Variants in DMD observed in about 807,000 individuals in gnomAD.
DMD encodes dystrophin.
A neutral mutation model predicts 330.1 loss-of-function variants in DMD; 63 were observed. That is an observed-to-expected ratio of 0.19 (90% CI 0.16 to 0.24). DMD has a LOEUF of 0.24. DMD is among the 10% of genes least tolerant of loss of function. The pLI, the probability that DMD is intolerant of heterozygous loss-of-function variation, is 1.00. For synonymous variants in DMD, 1,223 were observed against 959.8 expected, an observed-to-expected ratio of 1.27 and a Z score of -5.07; for missense variants, 3,344 against 2,684.1, an observed-to-expected ratio of 1.25 and a Z score of -5.43.
At chrX:32,789,306 A>AG (rs746474496) in intron 7 of DMD, among the ~76,000 whole-genome samples, 1 of 112,506 alleles carries the variant, frequency 8.9e-6, no homozygotes, top group East Asian at 2.8e-4. Context: ...TGTGAACAGC[A>AG]GGCTTAGTCA....
chrX:32,225,021 A>C (rs1453150312), intron 43 of DMD, among the ~76,000 whole-genome samples: 4 of 112,059 alleles, frequency 3.6e-5, no homozygotes, highest in Non-Finnish European at 5.6e-5. Context: ...GGACTCTTCT[A>C]CTGTGCTTAA....
At chrX:31,358,106 C>G (rs1039498522) in intron 60 of DMD, among the ~76,000 whole-genome samples, 1 of 109,307 alleles carries the variant, frequency 9.1e-6, no homozygotes, top group Non-Finnish European at 1.9e-5. Flanking sequence ...TTCTCTCCCC[C>G]TGCCTCCCTC....
At chrX:31,725,395 TG>T (rs1400378454) in intron 52 of DMD, among the ~76,000 whole-genome samples, 25 of 111,179 alleles carry the variant, frequency 2.2e-4, no homozygotes, top group Admixed American at 5.8e-4. Flanking sequence ...GGGGTGGTGG[TG>T]GGGGGCGAAA....
chrX:32,066,410 T>C (rs745853442), intron 44 of DMD, among the ~76,000 whole-genome samples: 8 of 111,862 alleles, frequency 7.2e-5, no homozygotes, highest in Non-Finnish European at 1.1e-4. Flanking sequence ...AATATTTCAG[T>C]ATATAGTCAG....
chrX:32,760,967 T>C (rs578222160), intron 7 of DMD, among the ~76,000 whole-genome samples: 87 of 111,317 alleles, frequency 7.8e-4, no homozygotes, highest in African/African-American at 2.8e-3. Flanking sequence ...TCTTCCCTAT[T>C]TCTACCTATC....
At chrX:33,110,795 C>A (rs2095333822) in intron 1 of DMD, among the ~76,000 whole-genome samples, 1 of 110,978 alleles carries the variant, frequency 9.0e-6, no homozygotes. Context: ...CAGAACAGAA[C>A]CATGGGCACA....
intron 2 of DMD, among the ~76,000 whole-genome samples, chrX:32,964,905 A>G (rs1569546212): frequency 1.8e-5 from 2 of 112,137 alleles, no homozygotes; most frequent in East Asian, 5.6e-4. Context: ...CTATACAATC[A>G]TCTTGAGTAA....
intron 1 of DMD, among the ~76,000 whole-genome samples, chrX:33,075,906 C>T (rs979200892): frequency 1.8e-5 from 2 of 111,911 alleles, no homozygotes; most frequent in Non-Finnish European, 3.8e-5. Context: ...GGGGACTAGA[C>T]TGCCTTTGTA....
intron 1 of DMD, among the ~76,000 whole-genome samples, chrX:33,030,563 CT>C (rs1272614890): frequency 9.0e-6 from 1 of 111,121 alleles, no homozygotes; most frequent in Non-Finnish European, 1.9e-5. Flanking sequence ...TTGAAATGTG[CT>C]TTGGTAGTGT....
chrX:32,536,286 A>C (rs976070406), intron 17 of DMD, among the ~76,000 whole-genome samples: 2 of 108,443 alleles, frequency 1.8e-5, no homozygotes, highest in African/African-American at 3.4e-5. Context: ...AAAAAAAAAA[A>C]AACACACAAA....
intron 64 of DMD, among the ~76,000 whole-genome samples, chrX:31,210,805 C>T (rs1481451938): frequency 8.9e-6 from 1 of 112,480 alleles, no homozygotes. Flanking sequence ...ACAAGTTATT[C>T]ATGGCCAGTT....
At chrX:31,854,755 G>T (rs1189634902) in intron 48 of DMD, among the ~76,000 whole-genome samples, 1 of 111,441 alleles carries the variant, frequency 9.0e-6, no homozygotes, top group Non-Finnish European at 1.9e-5. Flanking sequence ...AAGTAGTTTC[G>T]ATTAGGATGT....
chrX:32,118,268 T>C (rs1422111140), intron 44 of DMD, among the ~76,000 whole-genome samples: 5 of 111,942 alleles, frequency 4.5e-5, no homozygotes, highest in African/African-American at 9.8e-5. Flanking sequence ...TCTATAGCTT[T>C]CCCAAAACCC....
chrX:33,114,313 T>A (rs762041769), intron 1 of DMD, among the ~76,000 whole-genome samples: 1 of 109,848 alleles, frequency 9.1e-6, no homozygotes, highest in African/African-American at 3.3e-5. Context: ...TTTCACCATG[T>A]TGGCCAGGCT....
In DMD at chrX:31,341,954, G is replaced by A. The variant is rs182940462; in HGVS notation, c.9163+6602C>T. On this transcript the variant is annotated intron_variant, in intron 61 of 78. Transcript: ENST00000357033. ...ACACATATCTAACAAATTAACCACC[G>A]CCAAAACAACACTTAACCTTGCTTA... Among the ~76,000 whole-genome samples the A allele has an allele frequency of 6.1e-3, 657 of 108,525 alleles. 4 individuals are homozygous for A. The highest frequency in any genetic ancestry group is 0.02 in the African/African-American group (591 of 29,685). 94.2% of individuals were successfully genotyped at this position (108,525 alleles called of 115,157 possible). A position where few individuals can be genotyped will look rare whatever the true frequency, so the allele number is the denominator to read the frequency against.
chrX:32,529,378 A>AATTTTTT lies in DMD; in HGVS notation c.2169-11248_2169-11247insAAAAAAT, dbSNP rs1569139194. Among the ~76,000 whole-genome samples the AATTTTTT allele has an allele frequency of 4.0e-4, 29 of 73,052 alleles. 1 individual carries two copies. The highest frequency in any genetic ancestry group is 1.5e-3 in the African/African-American group (28 of 18,442). The allele number at this position is 73,052 out of a possible 115,157, so 63.4% of individuals were successfully genotyped here. ...GCGAATTCCACCTTGGCAAAAATCA[A>AATTTTTT]CTTTTTTTTTTTTTTTTTTTTTTTT... On this transcript the variant is annotated intron_variant, in intron 17 of 78. Transcript: ENST00000357033.
At chrX:32,685,232 T>C (rs758100428) in intron 9 of DMD, among the ~76,000 whole-genome samples, 1 of 111,463 alleles carries the variant, frequency 9.0e-6, no homozygotes, top group Admixed American at 9.6e-5. Context: ...ATTTAAATTA[T>C]AAAGTAGAAG....
At chrX:32,396,931 A>G (rs1326329137) in intron 30 of DMD, among the ~76,000 whole-genome samples, 6 of 111,452 alleles carry the variant, frequency 5.4e-5, no homozygotes, top group African/African-American at 1.9e-4. Flanking sequence ...AAAAATGCTT[A>G]GCACTTTAGC....
At chrX:31,819,943 G>C (rs758858413) in intron 50 of DMD, 32 bp downstream of exon 50, 17 of 1,125,013 alleles carry the variant, frequency 1.5e-5, no homozygotes, top group South Asian at 1.8e-5. Context: ...CAAATAGCTA[G>C]AGCCAAAGAG....
Sources: gnomAD v4.1 joint callset for allele counts (sites outside exome capture counted in the v4.1 genomes callset) on GRCh38, gnomAD v4.1.1 for gene constraint, MANE v1.5 for transcripts, NCBI Gene and HGNC (gene_info 2026-07-23, HGNC 2026-07-21) for gene names.